Variants in COL14A1 observed in about 807,000 individuals in gnomAD.
COL14A1 encodes collagen type XIV alpha 1 chain.
COL14A1 carries 136 observed loss-of-function variants against 230.3 expected under a neutral mutation model. That is an observed-to-expected ratio of 0.59 (90% CI 0.51 to 0.68). The LOEUF is 0.68. COL14A1 is among the 30% of genes least tolerant of loss of function. COL14A1 has a pLI of 0.00. For synonymous variants in COL14A1, 792 were observed against 784.1 expected (o/e 1.01, Z -0.17); for missense variants, 1,976 against 2,215.8 (o/e 0.89, Z 2.17).
At chr8:120,347,480 T>C (rs991462678) in intron 45 of COL14A1, among the ~76,000 whole-genome samples, 2 of 152,188 alleles carry the variant, frequency 1.3e-5, no homozygotes, top group African/African-American at 4.8e-5. Flanking sequence ...TCAGGGCTTA[T>C]AGGCCAGCAT....
At chr8:120,300,347 A>T (rs1820672145) in intron 35 of COL14A1, among the ~76,000 whole-genome samples, 1 of 152,124 alleles carries the variant, frequency 6.6e-6, no homozygotes, top group Non-Finnish European at 1.5e-5. Flanking sequence ...GTTTTCCTTT[A>T]TCCTTTGAAA....
chr8:120,357,989 GA>G (rs1249537500), intron 45 of COL14A1, among the ~76,000 whole-genome samples: 1 of 151,988 alleles, frequency 6.6e-6, no homozygotes, highest in South Asian at 2.1e-4. Context: ...AAGAACGAGA[GA>G]AAAAAAGCCA....
chr8:120,304,979 CTT>C (rs1203765080), intron 36 of COL14A1, among the ~76,000 whole-genome samples: 14 of 140,928 alleles, frequency 9.9e-5, no homozygotes, highest in Non-Finnish European at 1.4e-4. Flanking sequence ...ACTGTGAAAA[CTT>C]TTTTTTTTTT....
intron 24 of COL14A1, 122 bp downstream of exon 24, chr8:120,263,136 C>T (rs1425362293): frequency 9.2e-6 from 10 of 1,088,668 alleles, no homozygotes; most frequent in African/African-American, 1.6e-5. Flanking sequence ...ATACGTAATA[C>T]AAGTTTTGTT....
In COL14A1 at chr8:120,279,274, C is replaced by A. The variant is rs542443306; in HGVS notation, c.3482-661C>A. 5.3e-5 allele frequency among the ~76,000 whole-genome samples: 8 copies of A among 152,014 alleles called. No individual in the cohort carries two copies. In the South Asian group the frequency reaches 1.5e-3, roughly 28 times the overall value. ...GGCACACGTATACCTATGTAAAAAA[C>A]CTGCATCTTCAGCACGTGTATCCCA... On this transcript the variant is annotated intron_variant, in intron 28 of 47. Coordinates refer to ENST00000297848, the MANE Select transcript of COL14A1 (RefSeq NM_021110.4).
At chr8:120,203,611 A>G in intron 8 of COL14A1, 98 bp from the exon 9 acceptor site, 1 of 977,298 alleles carries the variant, frequency 1.0e-6, no homozygotes, top group Admixed American at 2.3e-5. Context: ...CTTTGACTGC[A>G]GTGAAGATTG....
chr8:120,349,139 A>G (rs1822650420), intron 45 of COL14A1, among the ~76,000 whole-genome samples: 1 of 152,168 alleles, frequency 6.6e-6, no homozygotes, highest in African/African-American at 2.4e-5. Flanking sequence ...GAAACCTCAC[A>G]TGGCAGGGTA....
At position 120,178,685 on chromosome 8, in the gene COL14A1, T is replaced by A. The variant is rs537807721; in HGVS notation, c.436+10438T>A. ...CCACAATGGTTGAACTAATTTACAC[T>A]CCCACCCACAGTGTAAAAGTGTTGC... is the stretch of plus-strand genomic sequence containing the variant. On this transcript the variant is annotated intron_variant, in intron 5 of 47. Transcript: ENST00000297848. Among the ~76,000 whole-genome samples the A allele has an allele frequency of 1.6e-4, 24 of 152,322 alleles. No individual in the cohort carries two copies. In the South Asian group the frequency reaches 4.8e-3, roughly 30 times the overall value.
At chr8:120,371,054 C>T (rs893369957) in intron 47 of COL14A1, 98 bp from the exon 48 acceptor site, 4 of 1,127,338 alleles carry the variant, frequency 3.5e-6, no homozygotes, top group Non-Finnish European at 5.1e-6. Flanking sequence ...TTTTACCCAG[C>T]AGGATATCTC....
At chr8:120,315,419 A>T (rs1301330594) in intron 38 of COL14A1, 114 bp from the exon 39 acceptor site, 7 of 603,020 alleles carry the variant, frequency 1.2e-5, no homozygotes, top group Admixed American at 5.7e-5. Flanking sequence ...TTCTGTTTAG[A>T]TGTTAGTGCA....
chr8:120,271,695 GT>G lies in COL14A1; in HGVS notation c.3213+1522del, dbSNP rs1209898399. The stretch of plus-strand genomic sequence containing the variant: ...TTTGAAACTTCATACACCAAAACTT[GT>G]GGCTAGAATATAGTAGGTGAGAGTG... On this transcript the variant is annotated intron_variant, in intron 26 of 47. Transcript: ENST00000297848. Among the ~76,000 whole-genome samples, 4 of 151,682 alleles carry G rather than the reference GT, an allele frequency of 2.6e-5. No individual in the cohort carries two copies. In the East Asian group the frequency reaches 7.8e-4, roughly 30 times the overall value.
At chr8:120,315,454 TTAAA>T (rs1821189058) in intron 38 of COL14A1, 75 bp from the exon 39 acceptor site, 1 of 1,096,216 alleles carries the variant, frequency 9.1e-7, no homozygotes, top group Non-Finnish European at 1.4e-6. Context: ...TGGAAACTAT[TTAAA>T]TAATGAGAGA....
At chr8:120,342,063 A>G (rs1354227848) in intron 43 of COL14A1, among the ~76,000 whole-genome samples, 1 of 152,242 alleles carries the variant, frequency 6.6e-6, no homozygotes, top group Non-Finnish European at 1.5e-5. Flanking sequence ...GCTGTATTTT[A>G]TAAGCTCTAA....
chr8:120,367,544 A>G (rs1020954594), intron 46 of COL14A1, among the ~76,000 whole-genome samples: 3 of 152,188 alleles, frequency 2.0e-5, no homozygotes, highest in Non-Finnish European at 4.4e-5. Flanking sequence ...GCTTTATTTC[A>G]CAATCACACA....
chr8:120,245,564 A>T (rs547986287), intron 20 of COL14A1, among the ~76,000 whole-genome samples: 232 of 151,658 alleles, frequency 1.5e-3, no homozygotes, highest in Non-Finnish European at 2.5e-3. Context: ...AACAGTGACC[A>T]TTTTTTTTTA....
At chr8:120,227,187 A>T in intron 16 of COL14A1, 33 bp from the exon 17 acceptor site, 1 of 1,602,960 alleles carries the variant, frequency 6.2e-7, no homozygotes, top group Middle Eastern at 1.7e-4. Context: ...TTTTCAAATA[A>T]GCATAGTTAC....
intron 35 of COL14A1, among the ~76,000 whole-genome samples, chr8:120,300,374 G>T (rs575363102): frequency 6.6e-6 from 1 of 152,002 alleles, no homozygotes; most frequent in African/African-American, 2.4e-5. Flanking sequence ...AATTATTGTA[G>T]CATAAAAAAG....
chr8:120,218,590 G>A (rs954186473), intron 14 of COL14A1, among the ~76,000 whole-genome samples: 6 of 152,102 alleles, frequency 3.9e-5, no homozygotes, highest in African/African-American at 1.4e-4. Context: ...GATTACAGGC[G>A]TGAACCACTG....
chr8:120,354,291 A>G (rs2130334270), intron 45 of COL14A1, among the ~76,000 whole-genome samples: 1 of 122,972 alleles, frequency 8.1e-6, no homozygotes, highest in South Asian at 3.2e-4. Flanking sequence ...ACCTAATGCT[A>G]GATGACGAGT....
Sources: allele counts gnomAD v4.1 joint callset (sites outside exome capture counted in the v4.1 genomes callset), GRCh38; gene constraint gnomAD v4.1.1; transcripts MANE v1.5; gene names NCBI Gene and HGNC (gene_info 2026-07-23, HGNC 2026-07-21).